The following ADAMTSL1 variants were observed in gnomAD, a reference collection of about 807,000 sequenced individuals.
ADAMTSL1 encodes the protein ADAMTS like 1.
ADAMTSL1 carries 126 observed loss-of-function variants against 201.8 expected under a neutral mutation model. The observed-to-expected ratio is 0.62, with a 90% CI of 0.54 to 0.72. The LOEUF is 0.72. Ranked by LOEUF, ADAMTSL1 falls within the 30% of genes least tolerant of loss-of-function variation. ADAMTSL1 has a pLI of 0.00. For missense variants in ADAMTSL1, 2,679 were observed against 2,277.8 expected, an observed-to-expected ratio of 1.18 and a Z score of -3.59; for synonymous variants, 1,121 against 903.4, an observed-to-expected ratio of 1.24 and a Z score of -4.32.
intron 23 of ADAMTSL1, among the ~76,000 whole-genome samples, chr9:18,846,233 G>T (rs755484162): frequency 6.6e-6 from 1 of 152,148 alleles, no homozygotes; most frequent in African/African-American, 2.4e-5. Context: ...TCCAGTGGGG[G>T]CACTTAGAGT....
intron 26 of ADAMTSL1, chr9:18,905,527 G>T (rs13285304): frequency 0.57 from 271,693 of 480,234 alleles, 79,516 homozygotes; most frequent in African/African-American, 0.8. Context: ...GGAGCTTGAC[G>T]TTCTCTTACT....
intron 21 of ADAMTSL1, among the ~76,000 whole-genome samples, chr9:18,824,029 G>A (rs551458998): frequency 2.0e-3 from 301 of 151,176 alleles, no homozygotes; most frequent in Non-Finnish European, 3.6e-3. Context: ...AAGAAGGAAG[G>A]AAGGAACGAA....
intron 9 of ADAMTSL1, among the ~76,000 whole-genome samples, chr9:18,666,963 T>C (rs1294287868): frequency 6.6e-6 from 1 of 151,766 alleles, no homozygotes; most frequent in African/African-American, 2.4e-5. Flanking sequence ...TTTTTTTTTT[T>C]TTTTGGCACA....
intron 23 of ADAMTSL1, among the ~76,000 whole-genome samples, chr9:18,876,243 C>T (rs1828140506): frequency 1.3e-5 from 2 of 150,372 alleles, no homozygotes; most frequent in Admixed American, 6.6e-5. Flanking sequence ...TTGTATTCAA[C>T]ATTAGTATTG....
intron 1 of ADAMTSL1, among the ~76,000 whole-genome samples, chr9:17,909,370 G>C (rs1204514731): frequency 6.8e-6 from 1 of 146,100 alleles, no homozygotes; most frequent in East Asian, 2.1e-4. Flanking sequence ...CATTGCTTTT[G>C]GTGTTTTATA....
chr9:18,862,775 G>T (rs1462757063), intron 23 of ADAMTSL1, among the ~76,000 whole-genome samples: 1 of 152,090 alleles, frequency 6.6e-6, no homozygotes, highest in Non-Finnish European at 1.5e-5. Flanking sequence ...GGCCTCCCTA[G>T]GGTCATCCTG....
intron 16 of ADAMTSL1, among the ~76,000 whole-genome samples, chr9:18,767,620 T>C (rs1488951554): frequency 2.0e-5 from 3 of 152,228 alleles, no homozygotes; most frequent in South Asian, 2.1e-4. Context: ...GCCACTAATT[T>C]AAATTTCTCC....
At chr9:18,512,082 T>C (rs913932016) in intron 2 of ADAMTSL1, among the ~76,000 whole-genome samples, 1 of 152,226 alleles carries the variant, frequency 6.6e-6, no homozygotes. Flanking sequence ...ATGTCATTTG[T>C]ATGAGATAGT....
chr9:18,020,117 A>G (rs941444273), intron 1 of ADAMTSL1, among the ~76,000 whole-genome samples: 2 of 151,982 alleles, frequency 1.3e-5, no homozygotes, highest in African/African-American at 4.8e-5. Context: ...CAGGAGCTAT[A>G]CTCAGTATAG....
At position 18,289,873 on chromosome 9, in the gene ADAMTSL1, G is replaced by T. The variant is rs536914470; in HGVS notation, c.207+125892G>T. Among the ~76,000 whole-genome samples, 9 of 152,240 alleles carry T rather than the reference G, an allele frequency of 5.9e-5. No individual in the cohort carries two copies. The South Asian group carries it at 1.2e-3, about 21-fold the overall frequency. ...CAAAGTTTCCAGTTTATAATTCAAA[G>T]GAAAACAACATGAAAACAAATACAA... is the stretch of plus-strand genomic sequence containing the variant. On this transcript the variant is annotated intron_variant, in intron 2 of 29. Coordinates refer to the ADAMTSL1 transcript ENST00000680146.
chr9:18,066,054 T>G lies in ADAMTSL1; in HGVS notation c.88-97808T>G, dbSNP rs564814152. ...CAATGACCAGTTCTCCCTTATTTAA[T>G]CAGAATGATTGAAAGAAATGGCAAA... is the stretch of plus-strand genomic sequence containing the variant. On this transcript the variant is annotated intron_variant, in intron 1 of 29. Coordinates refer to the ADAMTSL1 transcript ENST00000680146. Among the ~76,000 whole-genome samples, 3 of 140,638 alleles carry G rather than the reference T, an allele frequency of 2.1e-5. No individual in the cohort carries two copies. In the South Asian group the frequency reaches 7.2e-4, roughly 34 times the overall value. The allele number at this position is 140,638 out of a possible 152,430, so 92.3% of individuals were successfully genotyped here. A position where few individuals can be genotyped will look rare whatever the true frequency, so the allele number is the denominator to read the frequency against.
intron 13 of ADAMTSL1, among the ~76,000 whole-genome samples, chr9:18,692,962 A>G (rs1199840839): frequency 6.6e-6 from 1 of 152,224 alleles, no homozygotes; most frequent in African/African-American, 2.4e-5. Flanking sequence ...CAAGTGTCAT[A>G]TCCTCACTTT....
intron 1 of ADAMTSL1, among the ~76,000 whole-genome samples, chr9:18,101,356 G>A (rs1336664035): frequency 1.3e-5 from 2 of 152,018 alleles, no homozygotes; most frequent in African/African-American, 2.4e-5. Flanking sequence ...AAATTAGCTA[G>A]GCGTGGTGGC....
chr9:18,440,290 C>G (rs1819940424), intron 2 of ADAMTSL1, among the ~76,000 whole-genome samples: 1 of 152,086 alleles, frequency 6.6e-6, no homozygotes, highest in Non-Finnish European at 1.5e-5. Flanking sequence ...AGTACCCATG[C>G]AACTTTGTGA....
At chr9:18,724,251 G>C (rs752167363) in intron 15 of ADAMTSL1, among the ~76,000 whole-genome samples, 3 of 152,210 alleles carry the variant, frequency 2.0e-5, no homozygotes, top group Non-Finnish European at 2.9e-5. Flanking sequence ...CTGAACACCA[G>C]TTAGGGAGCC....
intron 15 of ADAMTSL1, among the ~76,000 whole-genome samples, chr9:18,740,407 G>A (rs1162295949): frequency 7.3e-6 from 1 of 136,606 alleles, no homozygotes; most frequent in African/African-American, 2.7e-5. Context: ...AGAGGAGCAA[G>A]AACTAGAGTT....
chr9:17,996,635 T>G (rs1031084929), intron 1 of ADAMTSL1, among the ~76,000 whole-genome samples: 1 of 152,078 alleles, frequency 6.6e-6, no homozygotes, highest in Non-Finnish European at 1.5e-5. Flanking sequence ...CAAAGTGCTC[T>G]CAGCTGCTGT....
intron 4 of ADAMTSL1, among the ~76,000 whole-genome samples, chr9:18,619,492 G>A (rs1754335770): frequency 1.3e-5 from 2 of 152,066 alleles, no homozygotes; most frequent in Non-Finnish European, 2.9e-5. Context: ...AACTGACTTG[G>A]TTCATATCCT....
intron 1 of ADAMTSL1, among the ~76,000 whole-genome samples, chr9:18,004,549 C>T (rs1018820796): frequency 3.3e-5 from 5 of 152,000 alleles, no homozygotes; most frequent in Non-Finnish European, 7.4e-5. Context: ...GTGTGTGTCA[C>T]ACACAGGTGT....
Sources: allele counts gnomAD v4.1 joint callset (sites outside exome capture counted in the v4.1 genomes callset), GRCh38; gene constraint gnomAD v4.1.1; transcripts MANE v1.5; gene names NCBI Gene and HGNC (gene_info 2026-07-23, HGNC 2026-07-21).